Variants in LDAF1 observed in about 807,000 individuals in gnomAD.
The protein encoded by LDAF1 is PROMETHIN.
A neutral mutation model predicts 13.5 loss-of-function variants in LDAF1; 7 were observed. That is an observed-to-expected ratio of 0.52 (90% CI 0.29 to 0.97). The LOEUF is 0.97. LDAF1 is among the 50% of genes least tolerant of loss of function. The pLI is 0.07. For synonymous variants in LDAF1, 69 were observed against 77.1 expected, an observed-to-expected ratio of 0.89 and a Z score of 0.55; for missense variants, 148 against 193.2, an observed-to-expected ratio of 0.77 and a Z score of 1.39.
At chr16:21,165,375 C>T (rs1409263793) in intron 2 of LDAF1, among the ~76,000 whole-genome samples, 2 of 152,162 alleles carry the variant, frequency 1.3e-5, no homozygotes, top group Non-Finnish European at 2.9e-5. Context: ...CATGCCATTG[C>T]ACTCTAGCCT....
chr16:21,167,035 C>A, intron 2 of LDAF1: 1 of 885,210 alleles, frequency 1.1e-6, no homozygotes, highest in Non-Finnish European at 1.7e-6. Flanking sequence ...GTCCTGTGGC[C>A]TGGCAGGGAG....
rs1285886283 is a variant in LDAF1 at position 21,174,031 on chromosome 16, G to A, written c.287G>A (p.Gly96Asp). 6.2e-7 allele frequency: 1 copy of A among 1,613,288 alleles called. No individual in the cohort carries two copies. Among genetic ancestry groups the A allele is most frequent in the Non-Finnish European group, 8.5e-7 (1 of 1,179,816 alleles). ...ILEGLVISVG[G>D]FSLLCILCGL... is the part of the protein sequence containing the mutation. ...CTAGGATTGGTCATCTCTGTGGGTG[G>A]CTTCTCACTGCTCTGCATCCTCTGT... The change falls in exon 4 of 5, where the codon GGC (glycine) becomes GAC (aspartate). Residue 96 changes from glycine to aspartate, a missense_variant. By Grantham distance (94) the Gly-to-Asp change is moderately conservative. Coordinates refer to ENST00000233047, the MANE Select transcript of LDAF1 (RefSeq NM_001301771.2).
chr16:21,169,238 C>T (rs1023307976), intron 2 of LDAF1: 75 of 818,548 alleles, frequency 9.2e-5, no homozygotes, highest in Non-Finnish European at 1.1e-4. Flanking sequence ...AATGTGTATG[C>T]ACGACACCTG....
At chr16:21,173,977 T>A (rs747658626) in intron 3 of LDAF1, 33 bp from the exon 4 acceptor site, 12 of 1,601,490 alleles carry the variant, frequency 7.5e-6, no homozygotes, top group Non-Finnish European at 1.0e-5. Context: ...CTGTTTGAGA[T>A]GAACCCTTCT....
intron 1 of LDAF1, chr16:21,159,319 C>T (rs1359372762): frequency 1.2e-6 from 2 of 1,612,880 alleles, no homozygotes; most frequent in Admixed American, 3.3e-5. Context: ...CGGACCCCCT[C>T]TCCACCTGCA....
chr16:21,170,368 T>C, intron 2 of LDAF1, 69 bp from the exon 3 acceptor site: 2 of 1,597,296 alleles, frequency 1.3e-6, no homozygotes, highest in Middle Eastern at 3.9e-4. Context: ...TCCCACAGCT[T>C]GGGCAGATTC....
chr16:21,176,902 A>G lies in LDAF1; in HGVS notation c.405-2573A>G, dbSNP rs912867840. Among the ~76,000 whole-genome samples, 624 of 133,854 alleles carry G rather than the reference A, an allele frequency of 4.7e-3. 3 individuals carry two copies. Among genetic ancestry groups the G allele is most frequent in the African/African-American group, 0.014 (515 of 37,620 alleles). 87.8% of individuals were successfully genotyped at this position (133,854 alleles called of 152,430 possible). A position where few individuals can be genotyped will look rare whatever the true frequency, so the allele number is the denominator to read the frequency against. The stretch of plus-strand genomic sequence containing the variant: ...GTGACAGAGCTAGACTCTGTCTGGA[A>G]AAAAAAAAAAAAAGAATATTAATAA... On this transcript the variant is annotated intron_variant, in intron 4 of 4. Coordinates refer to ENST00000233047, the MANE Select transcript of LDAF1 (RefSeq NM_001301771.2).
At chr16:21,168,766 A>G (rs889980054) in intron 2 of LDAF1, among the ~76,000 whole-genome samples, 13 of 131,784 alleles carry the variant, frequency 9.9e-5, no homozygotes, top group Admixed American at 7.1e-4. Context: ...ATAATTATAA[A>G]TATTTTTATA....
chr16:21,158,932 G>T (rs1158648131), intron 1 of LDAF1, among the ~76,000 whole-genome samples, 186 bp downstream of exon 1: 1 of 151,948 alleles, frequency 6.6e-6, no homozygotes, highest in East Asian at 1.9e-4. Flanking sequence ...CGCCGGGACG[G>T]GGCTGGGAGC....
chr16:21,158,755 T>G lies in LDAF1; in HGVS notation c.-99+9T>G, dbSNP rs2152839267. The G allele has an allele frequency of 6.5e-6, 1 of 153,674 alleles. No individual in the cohort carries two copies. Among genetic ancestry groups the G allele is most frequent in the South Asian group, 2.0e-4 (1 of 4,984 alleles). 9.5% of individuals were successfully genotyped at this position (153,674 alleles called of 1,614,324 possible). On this transcript the variant is annotated intron_variant, in intron 1 of 4. Coordinates refer to ENST00000233047, the MANE Select transcript of LDAF1 (RefSeq NM_001301771.2). ...TCGGCGGTCAGGAGCAGGTGAGAGC[T>G]CGGAGCTTGGGGGTGGGGGTCCGGG...
chr16:21,161,153 A>C lies in LDAF1; in HGVS notation c.-30A>C. On this transcript the variant is annotated 5_prime_UTR_variant, in exon 2 of 5. Coordinates refer to ENST00000233047, the MANE Select transcript of LDAF1 (RefSeq NM_001301771.2). ...GGAGAATTTACTGGTAGGATAATTC[A>C]TCCCTAAAGAGATTGAAGTGAGCTT... 1 of 1,610,178 alleles carries C rather than the reference A, an allele frequency of 6.2e-7. No homozygotes were observed. The highest frequency in any genetic ancestry group is 8.5e-7 in the Non-Finnish European group (1 of 1,178,906).
In LDAF1 at chr16:21,161,216, G is replaced by A. The variant is rs776784993; in HGVS notation, c.34G>A (p.Asp12Asn). The A allele has an allele frequency of 6.2e-7, 1 of 1,614,112 alleles. No individual in the cohort carries two copies. The highest frequency in any genetic ancestry group is 1.1e-5 in the South Asian group (1 of 91,092). Residue 12 changes from aspartate to asparagine, a missense_variant, in exon 2 of 5, where the codon GAC becomes AAC. By Grantham distance (23) the Asp-to-Asn change is conservative. Transcript: ENST00000233047. ...AKEEPQSISRDLQELQKKLSL... is the reference protein window; with the variant it reads ...AKEEPQSISRNLQELQKKLSL... ...AGAGGAGCCCCAGAGTATCTCAAGGGACTTGCAGGAACTGCAGAAGAAGCT... is the reference window on the plus strand; with the variant it reads ...AGAGGAGCCCCAGAGTATCTCAAGGAACTTGCAGGAACTGCAGAAGAAGCT...
In LDAF1 at chr16:21,166,893, G is replaced by A. The variant is rs769886887; in HGVS notation, c.97-3544G>A. 3 of 1,535,662 alleles carry A rather than the reference G, an allele frequency of 2.0e-6. No homozygotes were observed. The South Asian group carries it at 3.6e-5, about 18-fold the overall frequency. ...ACTCTGATGATGGAGTGTCCAGGCT[G>A]GGCAGTGCTGGCTCCAAGGTGATTC... On this transcript the variant is annotated intron_variant, in intron 2 of 4. Transcript: ENST00000233047.
At chr16:21,177,645 G>A (rs577462593) in intron 4 of LDAF1, among the ~76,000 whole-genome samples, 42 of 122,656 alleles carry the variant, frequency 3.4e-4, no homozygotes, top group African/African-American at 1.1e-3. Flanking sequence ...TTTTTGAGAC[G>A]AGTCTCACTC....
chr16:21,167,321 G>A (rs2093033545), intron 2 of LDAF1, among the ~76,000 whole-genome samples: 1 of 152,250 alleles, frequency 6.6e-6, no homozygotes, highest in Admixed American at 6.5e-5. Context: ...CAAGGCCGTA[G>A]GGATGAGGCT....
At chr16:21,169,054 A>G (rs2093060571) in intron 2 of LDAF1, 1 of 273,568 alleles carries the variant, frequency 3.7e-6, no homozygotes, top group Admixed American at 6.9e-5. Flanking sequence ...ACTTTTAATA[A>G]TAATAGACAA....
chr16:21,171,499 A>G (rs950368505), intron 3 of LDAF1, among the ~76,000 whole-genome samples: 1 of 152,218 alleles, frequency 6.6e-6, no homozygotes, highest in Non-Finnish European at 1.5e-5. Context: ...GTTGATAGAT[A>G]GATGGGTGAA....
chr16:21,169,389 A>T (rs146163815), intron 2 of LDAF1, among the ~76,000 whole-genome samples: 1 of 152,040 alleles, frequency 6.6e-6, no homozygotes, highest in East Asian at 1.9e-4. Flanking sequence ...GTTCACTGCA[A>T]CCTCAAACTC....
At chr16:21,163,375 G>C (rs118046877) in intron 2 of LDAF1, among the ~76,000 whole-genome samples, 1 of 152,196 alleles carries the variant, frequency 6.6e-6, no homozygotes, top group African/African-American at 2.4e-5. Flanking sequence ...GCCAGGCGTG[G>C]TAGCTCACAC....
Sources: allele counts gnomAD v4.1 joint callset (sites outside exome capture counted in the v4.1 genomes callset), GRCh38; gene constraint gnomAD v4.1.1; transcripts MANE v1.5; gene names NCBI Gene and HGNC (gene_info 2026-07-23, HGNC 2026-07-21).